CASP9: variants seen among roughly 807,000 people sequenced by gnomAD.
CASP9 encodes the protein caspase 9.
Under a neutral mutation model 43.5 loss-of-function variants are expected in CASP9, and 29 were observed. The observed-to-expected ratio is 0.67, with a 90% confidence interval of 0.50 to 0.91. The LOEUF (loss-of-function observed/expected upper bound fraction) is 0.91, where lower values mean the gene tolerates loss of function less well. CASP9 is among the 40% of genes least tolerant of loss of function. CASP9 has a pLI of 0.00. For missense variants in CASP9, 575 were observed against 537.4 expected (o/e 1.07, Z -0.69); for synonymous variants, 206 against 211.9 (o/e 0.97, Z 0.24).
intron 6 of CASP9, among the ~76,000 whole-genome samples, chr1:15,495,845 T>C (rs79398655): frequency 7.2e-5 from 11 of 152,324 alleles, no homozygotes; most frequent in East Asian, 5.8e-4. Flanking sequence ...CCTGCCCCAT[T>C]TGTCTTTGTT....
chr1:15,493,273 C>A (rs884363), intron 8 of CASP9: 789,208 of 1,379,242 alleles, frequency 0.57, 230,435 homozygotes, highest in African/African-American at 0.86. Flanking sequence ...TGCAAGGAGC[C>A]AGGAGTGGCC....
Position 15,518,260 on chromosome 1 carries a change from G to A in CASP9, c.268C>T (p.Arg90Ter), listed in dbSNP as rs144884967. 10 of 1,614,050 alleles carry A rather than the reference G, an allele frequency of 6.2e-6. No homozygotes were observed. Among genetic ancestry groups the A allele is most frequent in the Admixed American group, 5.0e-5 (3 of 59,996 alleles). Residue 90 changes from arginine to a stop codon, truncating the protein, a stop_gained, in exon 2 of 9, where the codon CGA (arginine) becomes TGA (stop). Coordinates refer to ENST00000333868, the MANE Select transcript of CASP9 (RefSeq NM_001229.5). LOFTEE classifies it high-confidence loss of function. ...TGQDMLASFL[R>*]TNRQAAKLSK... is the part of the protein sequence containing the mutation. Reference sequence around the variant, plus strand: ...AACTTTGCTGCTTGCCTGTTAGTTCGCAGAAACGAAGCCAGCATGTCCTGG... The same window carrying A: ...AACTTTGCTGCTTGCCTGTTAGTTCACAGAAACGAAGCCAGCATGTCCTGG...
intron 6 of CASP9, among the ~76,000 whole-genome samples, chr1:15,495,755 G>A (rs982961419): frequency 2.0e-5 from 3 of 152,122 alleles, no homozygotes; most frequent in African/African-American, 4.8e-5. Flanking sequence ...AATTCACCAC[G>A]GCAATGTAAA....
At chr1:15,509,460 CAAAAAAAAA>C (rs563284288) in intron 2 of CASP9, among the ~76,000 whole-genome samples, 14 of 105,660 alleles carry the variant, frequency 1.3e-4, no homozygotes, top group African/African-American at 3.8e-4. Context: ...ACTAAAAATA[CAAAAAAAAA>C]AAAAAAAAAA....
intron 1 of CASP9, among the ~76,000 whole-genome samples, chr1:15,521,725 C>T (rs930714261): frequency 2.6e-5 from 4 of 152,054 alleles, no homozygotes; most frequent in Admixed American, 6.6e-5. Context: ...TTCGGGGCCA[C>T]TACCCTGTCT....
chr1:15,497,659 GAT>G (rs747542682), intron 6 of CASP9, among the ~76,000 whole-genome samples: 60 of 143,198 alleles, frequency 4.2e-4, no homozygotes, highest in African/African-American at 1.3e-3. Context: ...AAAAAAAAAA[GAT>G]ATAAATAAAT....
At chr1:15,522,699 T>C (rs970399203) in intron 1 of CASP9, among the ~76,000 whole-genome samples, 7 of 152,064 alleles carry the variant, frequency 4.6e-5, no homozygotes, top group Non-Finnish European at 1.5e-5. Flanking sequence ...TGGGCAAGAG[T>C]GAGACCCTGC....
At chr1:15,524,248 C>T (rs1002494022), upstream of CASP9, 13 of 1,522,812 alleles carry the variant, frequency 8.5e-6, no homozygotes, top group Non-Finnish European at 1.1e-5. Context: ...CGCTTCCGGG[C>T]CTCGGCCGCC....
intron 3 of CASP9, among the ~76,000 whole-genome samples, chr1:15,507,348 G>A (rs1274834295): frequency 2.6e-5 from 4 of 152,298 alleles, no homozygotes; most frequent in East Asian, 3.9e-4. Context: ...CACCTAGGCC[G>A]GGGTGTACCT....
At chr1:15,524,456 ACCGCG>A, upstream of CASP9, 1 of 831,562 alleles carries the variant, frequency 1.2e-6, no homozygotes, top group Non-Finnish European at 1.4e-6. Flanking sequence ...GCCTCCCATC[ACCGCG>A]CCGCCCCAGA....
intron 2 of CASP9, among the ~76,000 whole-genome samples, chr1:15,510,192 A>C (rs1484170651): frequency 6.6e-6 from 1 of 152,142 alleles, no homozygotes; most frequent in African/African-American, 2.4e-5. Flanking sequence ...ACCCTCCCAA[A>C]GTGCTGGGAT....
rs537494727 is a variant in CASP9, at chr1:15,506,858, C to T, written c.630+41G>A. On this transcript the variant is annotated intron_variant, in intron 4 of 8. Transcript: ENST00000333868. ...CCCTCAAAAGATACTTCCCCACCCA[C>T]TGCCCCCCACCCTGTCTCCCTCCAC... The T allele has an allele frequency of 4.5e-5, 68 of 1,516,444 alleles. No individual in the cohort carries two copies. The African/African-American group carries it at 7.0e-4, about 16-fold the overall frequency. The allele number at this position is 1,516,444 out of a possible 1,614,324, so 93.9% of individuals were successfully genotyped here. A position where few individuals can be genotyped will look rare whatever the true frequency, so the allele number is the denominator to read the frequency against.
At position 15,491,583 on chromosome 1, in the gene CASP9, C is replaced by A. The variant is rs1708896824; in HGVS notation, c.*1360G>T. The A allele has an allele frequency of 9.6e-6, 4 of 417,646 alleles. No homozygotes were observed. In the South Asian group the frequency reaches 1.1e-4, roughly 12 times the overall value. 25.9% of individuals were successfully genotyped at this position (417,646 alleles called of 1,614,324 possible). Reference sequence around the variant, plus strand: ...GACCAGCCTGAGTAACATGGCATAACTCTGTCTCTACTAAAAATACAAAAA... The same window carrying A: ...GACCAGCCTGAGTAACATGGCATAAATCTGTCTCTACTAAAAATACAAAAA... On this transcript the variant is annotated 3_prime_UTR_variant, in exon 9 of 9. Transcript: ENST00000333868.
Position 15,494,138 on chromosome 1 carries a change from C to T in CASP9, c.1049-137G>A, listed in dbSNP as rs539564791. On this transcript the variant is annotated intron_variant, in intron 7 of 8. Coordinates refer to ENST00000333868, the MANE Select transcript of CASP9 (RefSeq NM_001229.5). Reference sequence around the variant, plus strand: ...CATACATCCAACAGGAGCAGCCTGGCCCCTGAGGCTCTGCCCTAATCATGA... The same window carrying T: ...CATACATCCAACAGGAGCAGCCTGGTCCCTGAGGCTCTGCCCTAATCATGA... The T allele has an allele frequency of 7.0e-6, 7 of 999,746 alleles. No individual in the cohort carries two copies. In the South Asian group the frequency reaches 9.4e-5, roughly 13 times the overall value. The allele number at this position is 999,746 out of a possible 1,614,324, so 61.9% of individuals were successfully genotyped here.
intron 2 of CASP9, among the ~76,000 whole-genome samples, chr1:15,509,635 CAA>C (rs1334952269): frequency 1.4e-4 from 16 of 116,114 alleles, no homozygotes; most frequent in Non-Finnish European, 1.1e-4. Flanking sequence ...AACTCCATCT[CAA>C]AAAAAAAAAA....
intron 2 of CASP9, 102 bp downstream of exon 2, chr1:15,518,008 C>G (rs1285900326): frequency 1.5e-6 from 2 of 1,356,968 alleles, no homozygotes; most frequent in African/African-American, 1.4e-5. Context: ...AAAGACAATG[C>G]TAAAATTAAA....
chr1:15,524,051 A>AGGGGGCC lies in CASP9; in HGVS notation c.132+11_132+17dup. On this transcript the variant is annotated intron_variant, in intron 1 of 8. Transcript: ENST00000333868. The stretch of plus-strand genomic sequence containing the variant: ...GGACCCGGCCGTGCAGCGCGGGGAC[A>AGGGGGCC]GGGGGCCGGGGGCGCACCTGGATGT... The AGGGGGCC allele has an allele frequency of 1.4e-6, 2 of 1,392,356 alleles. No individual in the cohort carries two copies. The highest frequency in any genetic ancestry group is 2.1e-5 in the African/African-American group (1 of 47,498). The allele number at this position is 1,392,356 out of a possible 1,614,324, so 86.3% of individuals were successfully genotyped here.
rs1160772253 is a variant in CASP9, at chr1:15,492,792, A to G, written c.*151T>C. On this transcript the variant is annotated 3_prime_UTR_variant, in exon 9 of 9. Transcript: ENST00000333868. ...ACTTGTCGTCAATCTGGAAGCTGCT[A>G]AGAGCCTGTCTGTCACTGGCAGAGA... 8.4e-6 allele frequency: 9 copies of G among 1,072,026 alleles called. No individual in the cohort carries two copies. The Admixed American group carries it at 2.1e-4, about 25-fold the overall frequency. The allele number at this position is 1,072,026 out of a possible 1,614,324, so 66.4% of individuals were successfully genotyped here.
intron 1 of CASP9, 134 bp downstream of exon 1, chr1:15,523,934 TA>T: frequency 1.6e-6 from 1 of 618,746 alleles, no homozygotes; most frequent in Non-Finnish European, 2.7e-6. Context: ...AACACCCGAC[TA>T]AGAGGTGTTT....
Sources: gnomAD v4.1 joint callset for allele counts (sites outside exome capture counted in the v4.1 genomes callset) on GRCh38, gnomAD v4.1.1 for gene constraint, MANE v1.5 for transcripts, NCBI Gene and HGNC (gene_info 2026-07-23, HGNC 2026-07-21) for gene names.